SMARCA2: variants seen among roughly 807,000 people sequenced by gnomAD.
SMARCA2 encodes the protein SWI/SNF related BAF chromatin remodeling complex subunit ATPase 2.
SMARCA2 carries 61 observed loss-of-function variants against 199.8 expected under a neutral mutation model. The observed-to-expected ratio is 0.31, with a 90% CI of 0.25 to 0.38. SMARCA2 has a LOEUF of 0.38. Ranked by LOEUF, SMARCA2 falls within the 10% of genes least tolerant of loss-of-function variation. SMARCA2 has a pLI of 1.00. For missense variants in SMARCA2, 1,344 were observed against 2,012.2 expected, an observed-to-expected ratio of 0.67 and a Z score of 6.35; for synonymous variants, 935 against 732.0, an observed-to-expected ratio of 1.28 and a Z score of -4.48.
At position 2,058,478 on chromosome 9, in the gene SMARCA2, T is replaced by A. The variant is rs764821045; in HGVS notation, c.1521+14T>A. ...CGGCGACTGATGGTAAGGAACTCCCTGCAGGAGCCCAGGAAACTACTCAAC... is the reference window on the plus strand; with the variant it reads ...CGGCGACTGATGGTAAGGAACTCCCAGCAGGAGCCCAGGAAACTACTCAAC... On this transcript the variant is annotated intron_variant, in intron 8 of 33. Transcript: ENST00000349721. The A allele has an allele frequency of 6.2e-7, 1 of 1,611,700 alleles. No homozygotes were observed.
rs371544356 is a variant in SMARCA2 at position 2,070,462 on chromosome 9, G to T, written c.1737G>T (p.Pro579=). The change falls in exon 10 of 34, where the codon CCG becomes CCT. Residue 579 remains proline (P), a synonymous_variant. Coordinates refer to ENST00000349721, the MANE Select transcript of SMARCA2 (RefSeq NM_003070.5). ...NAEGGESALG[P]DGEPIDESSQ... ...AGGGTGGGGAGTCTGCCCTGGGACC[G>T]GATGGAGAGGTAAGGGATCGTCATC... The T allele has an allele frequency of 1.9e-6, 3 of 1,613,096 alleles. No homozygotes were observed. Among genetic ancestry groups the T allele is most frequent in the Non-Finnish European group, 2.5e-6 (3 of 1,179,174 alleles).
At chr9:2,136,172 A>G (rs1239403405) in intron 27 of SMARCA2, among the ~76,000 whole-genome samples, 1 of 147,348 alleles carries the variant, frequency 6.8e-6, no homozygotes, top group Non-Finnish European at 1.5e-5. Flanking sequence ...TTTAATAATA[A>G]TTATCCCCTG....
intron 3 of SMARCA2, among the ~76,000 whole-genome samples, chr9:2,037,839 C>G (rs982784610): frequency 6.6e-6 from 1 of 152,236 alleles, no homozygotes; most frequent in African/African-American, 2.4e-5. Flanking sequence ...AGCTCAAGGA[C>G]ACCTTTTGGA....
chr9:2,020,739 A>G (rs1818564587), intron 1 of SMARCA2, among the ~76,000 whole-genome samples: 1 of 152,220 alleles, frequency 6.6e-6, no homozygotes, highest in East Asian at 1.9e-4. Context: ...AGTTATAAAT[A>G]TATCGTCAAA....
chr9:2,191,393 G>C lies in SMARCA2; in HGVS notation c.4722G>C (p.Glu1574Asp). ...KPVVSDFDSD[E>D]EQDEREQSEG... ...TAGTGAGCGATTTTGACAGCGATGA[G>C]GAGCAGGATGAACGTGTAAGTGTAG... is the stretch of plus-strand genomic sequence containing the variant. Residue 1574 changes from glutamate to aspartate, a missense_variant, in exon 33 of 34, where the codon GAG (glutamate) becomes GAC (aspartate). Physicochemically the swap from Glu to Asp is conservative, Grantham distance 45 (BLOSUM62 2). Around this residue, in one of 18 missense-constraint regions of SMARCA2, gnomAD observed 155 missense variants for 121.1 expected, o/e 1.28. Transcript: ENST00000349721. 1 of 1,614,144 alleles carries C rather than the reference G, an allele frequency of 6.2e-7. No homozygotes were observed. Among genetic ancestry groups the C allele is most frequent in the Non-Finnish European group, 8.5e-7 (1 of 1,179,996 alleles).
At chr9:2,158,118 C>A (rs1408332) in intron 27 of SMARCA2, 1 of 144,962 alleles carries the variant, frequency 6.9e-6, no homozygotes, top group Non-Finnish European at 1.3e-5. Context: ...AAAACATTTT[C>A]TTTTAAGCAA....
chr9:2,159,812 A>G, intron 27 of SMARCA2: 1 of 1,609,766 alleles, frequency 6.2e-7, no homozygotes, highest in Non-Finnish European at 8.5e-7. Flanking sequence ...TTTCCTGATC[A>G]GCTGATGAAG....
intron 32 of SMARCA2, among the ~76,000 whole-genome samples, chr9:2,190,372 A>T (rs1260798404): frequency 6.6e-6 from 1 of 152,248 alleles, no homozygotes. Context: ...AGCCCTCATC[A>T]TATGAGACTG....
At chr9:2,192,655 T>C in intron 33 of SMARCA2, 49 bp from the exon 34 acceptor site, 1 of 1,304,562 alleles carries the variant, frequency 7.7e-7, no homozygotes. Context: ...TATCTTCTTT[T>C]TCTTGCATGT....
intron 9 of SMARCA2, among the ~76,000 whole-genome samples, chr9:2,062,938 TG>T (rs1379204928): frequency 6.6e-6 from 1 of 151,984 alleles, no homozygotes; most frequent in Non-Finnish European, 1.5e-5. Flanking sequence ...CAGTTGGAGG[TG>T]GGGCCTGATT....
chr9:2,101,432 G>A (rs758616262), intron 21 of SMARCA2, 138 bp from the exon 22 acceptor site: 10 of 489,932 alleles, frequency 2.0e-5, no homozygotes, highest in African/African-American at 8.1e-5. Flanking sequence ...GGTTCATTAC[G>A]TGTGTAAGTT....
chr9:2,090,780 C>T (rs1367846916), intron 19 of SMARCA2, among the ~76,000 whole-genome samples: 2 of 152,124 alleles, frequency 1.3e-5, no homozygotes, highest in African/African-American at 2.4e-5. Flanking sequence ...ACTTTTCAAG[C>T]ACTTTGTGTG....
chr9:2,030,566 T>G (rs1388622288), intron 2 of SMARCA2, among the ~76,000 whole-genome samples: 1 of 151,096 alleles, frequency 6.6e-6, no homozygotes, highest in Non-Finnish European at 1.5e-5. Context: ...TTTTTCTTAT[T>G]CAGGCCCTCC....
intron 27 of SMARCA2, among the ~76,000 whole-genome samples, chr9:2,146,013 T>C (rs1406551517): frequency 6.6e-6 from 1 of 152,122 alleles, no homozygotes; most frequent in African/African-American, 2.4e-5. Context: ...GGCTTTGTGT[T>C]CCTATTATTT....
At chr9:2,058,037 C>G (rs770148869) in intron 7 of SMARCA2, 4 of 319,134 alleles carry the variant, frequency 1.3e-5, no homozygotes, top group Non-Finnish European at 2.3e-5. Context: ...CTCATGTGGC[C>G]ACACCCTCAA....
At chr9:2,024,664 T>G (rs1818748833) in intron 1 of SMARCA2, among the ~76,000 whole-genome samples, 1 of 152,182 alleles carries the variant, frequency 6.6e-6, no homozygotes, top group South Asian at 2.1e-4. Context: ...TGGCTTCTAC[T>G]TTCTACCCCT....
At chr9:2,130,398 A>T (rs954449005) in intron 27 of SMARCA2, among the ~76,000 whole-genome samples, 21 of 152,192 alleles carry the variant, frequency 1.4e-4, no homozygotes, top group African/African-American at 5.1e-4. Context: ...CCAGTCCGCT[A>T]GGTTTGGCTC....
chr9:2,113,511 A>C (rs1364650857), intron 24 of SMARCA2, among the ~76,000 whole-genome samples: 1 of 152,348 alleles, frequency 6.6e-6, no homozygotes, highest in East Asian at 1.9e-4. Context: ...TAATCCATCC[A>C]ATAATTACAG....
At chr9:2,126,755 G>A (rs1345592847) in intron 27 of SMARCA2, among the ~76,000 whole-genome samples, 2 of 152,240 alleles carry the variant, frequency 1.3e-5, no homozygotes, top group Admixed American at 1.3e-4. Context: ...GAATGGAACA[G>A]CTTCCCATCC....
Sources: gnomAD v4.1 joint callset for allele counts (sites outside exome capture counted in the v4.1 genomes callset) on GRCh38, gnomAD v4.1.1 for gene constraint, gnomAD v4.1.1 regional missense constraint, MANE v1.5 for transcripts, NCBI Gene and HGNC (gene_info 2026-07-23, HGNC 2026-07-21) for gene names.